Variants in ESF1 observed in about 807,000 individuals in gnomAD.
The protein encoded by ESF1 is ESF1 homolog.
In ESF1, 58 loss-of-function variants were observed where a neutral mutation model predicts 92.0. The ratio of observed to expected loss-of-function variants is 0.63; its 90% CI spans 0.51 to 0.78. ESF1 has a LOEUF of 0.78. Among genes scored for constraint, ESF1 ranks in the 30% least tolerant of loss-of-function variants. ESF1 has a pLI of 0.00. For missense variants in ESF1, 922 were observed against 989.1 expected, an observed-to-expected ratio of 0.93 and a Z score of 0.91; for synonymous variants, 321 against 313.7, an observed-to-expected ratio of 1.02 and a Z score of -0.24.
chr20:13,765,831 T>C (rs1180727361), intron 8 of ESF1, among the ~76,000 whole-genome samples: 1 of 152,152 alleles, frequency 6.6e-6, no homozygotes, highest in East Asian at 1.9e-4. Flanking sequence ...CAAAATTAAC[T>C]AGGCACACAA....
intron 9 of ESF1, among the ~76,000 whole-genome samples, chr20:13,756,995 AT>A (rs752785469): frequency 1.8e-4 from 28 of 152,228 alleles, no homozygotes; most frequent in Non-Finnish European, 3.5e-4. Context: ...TTTTTTTTCA[AT>A]GTTATAAGTC....
chr20:13,748,544 GTGTGTATATATATATATATA>G (rs1978414503), intron 9 of ESF1, among the ~76,000 whole-genome samples: 1 of 51,790 alleles, frequency 1.9e-5, no homozygotes, highest in South Asian at 7.0e-4. Flanking sequence ...ATATATATGT[GTGTGTATATATATATATATA>G]TGTGTGTGTG....
At chr20:13,771,531 A>C (rs745833496) in intron 5 of ESF1, 48 bp from the exon 6 acceptor site, 2 of 1,463,254 alleles carry the variant, frequency 1.4e-6, no homozygotes, top group African/African-American at 2.8e-5. Context: ...AAACACAAAA[A>C]TTTCCCTTTA....
At chr20:13,728,123 G>T (rs1160937019) in intron 11 of ESF1, among the ~76,000 whole-genome samples, 1 of 152,074 alleles carries the variant, frequency 6.6e-6, no homozygotes, top group East Asian at 1.9e-4. Context: ...TTCCCAGAAA[G>T]GAATCCCCAG....
In ESF1 at chr20:13,775,832, CTG is replaced by C. The variant is rs769835197; in HGVS notation, c.1035+39_1035+40del. ...CTACCAGCCATAAAAGCTGCTTGTA[CTG>C]TGTTTTTCACAAATAATCTTGTTTA... is the stretch of plus-strand genomic sequence containing the variant. On this transcript the variant is annotated intron_variant, in intron 3 of 13. Transcript: ENST00000617257. 1.1e-5 allele frequency: 17 copies of C among 1,549,920 alleles called. No homozygotes were observed. In the African/African-American group the frequency reaches 1.5e-4, roughly 14 times the overall value.
chr20:13,725,123 C>T (rs1442796807), intron 11 of ESF1, among the ~76,000 whole-genome samples: 2 of 152,190 alleles, frequency 1.3e-5, no homozygotes, highest in African/African-American at 2.4e-5. Context: ...ACCCTGCCCC[C>T]TCCAGTGACC....
chr20:13,730,851 C>T (rs1270515678), intron 10 of ESF1, among the ~76,000 whole-genome samples: 1 of 151,858 alleles, frequency 6.6e-6, no homozygotes, highest in Non-Finnish European at 1.5e-5. Flanking sequence ...GATAACACGG[C>T]ATATATCAGG....
rs765925903 is a variant in ESF1, at chr20:13,775,265, T to C, written c.1041A>G (p.Thr347=). The C allele has an allele frequency of 1.9e-6, 3 of 1,579,376 alleles. No homozygotes were observed. The highest frequency in any genetic ancestry group is 2.6e-6 in the Non-Finnish European group (3 of 1,159,406). ...DKDAPRADEI[T]RRLAVCNMDW... is the part of the protein sequence containing the mutation. Reference sequence around the variant, plus strand: ...CCATGTTACAAACTGCTAATCGACGTGTAATCTGAGAAATGAGAAGAATTA... The same window carrying C: ...CCATGTTACAAACTGCTAATCGACGCGTAATCTGAGAAATGAGAAGAATTA... The change falls in exon 4 of 14, where the codon ACA becomes ACG. Residue 347 remains threonine, a synonymous_variant. Transcript: ENST00000617257.
chr20:13,748,592 A>ATATGTGTGTGTATATATATATATTTTTT (rs1331098586), intron 9 of ESF1, among the ~76,000 whole-genome samples: 1 of 95,740 alleles, frequency 1.0e-5, no homozygotes, highest in Non-Finnish European at 1.8e-5. Context: ...ATATATATAT[A>ATATGTGTGTGTATATATATATATTTTTT]TTTTTTTTTT....
chr20:13,747,144 T>C (rs1344738047), intron 9 of ESF1, among the ~76,000 whole-genome samples: 1 of 152,044 alleles, frequency 6.6e-6, no homozygotes, highest in African/African-American at 2.4e-5. Context: ...TGAAACAGAG[T>C]AATCCTTTAA....
At chr20:13,748,269 T>C (rs1978370824) in intron 9 of ESF1, among the ~76,000 whole-genome samples, 1 of 152,010 alleles carries the variant, frequency 6.6e-6, no homozygotes, top group Admixed American at 6.6e-5. Context: ...GCTTCAGTTT[T>C]TCTCTCCTGC....
At chr20:13,742,193 C>T (rs988921571) in intron 9 of ESF1, among the ~76,000 whole-genome samples, 1 of 152,036 alleles carries the variant, frequency 6.6e-6, no homozygotes, top group African/African-American at 2.4e-5. Context: ...GTGACGAAAC[C>T]CTGTCTCTAC....
chr20:13,758,600 C>T (rs527474922), intron 9 of ESF1, among the ~76,000 whole-genome samples: 4 of 152,160 alleles, frequency 2.6e-5, no homozygotes, highest in Non-Finnish European at 5.9e-5. Flanking sequence ...AAGCACGCTA[C>T]TTATAAAAAT....
At chr20:13,720,809 T>C (rs1423615054) in intron 11 of ESF1, among the ~76,000 whole-genome samples, 1 of 152,224 alleles carries the variant, frequency 6.6e-6, no homozygotes, top group Non-Finnish European at 1.5e-5. Context: ...TTTCTCAATG[T>C]ATAAATTTTC....
At chr20:13,770,264 A>ATCGTGC (rs1275735540) in intron 6 of ESF1, among the ~76,000 whole-genome samples, 5 of 152,248 alleles carry the variant, frequency 3.3e-5, no homozygotes, top group Admixed American at 3.3e-4. Context: ...GTATAGATAG[A>ATCGTGC]AATCGTGCAT....
Position 13,764,917 on chromosome 20 carries a change from T to TA in ESF1, c.1666+1859dup, listed in dbSNP as rs141430960. 3.7e-3 allele frequency among the ~76,000 whole-genome samples: 536 copies of TA among 143,482 alleles called. 1 individual carries two copies. Among genetic ancestry groups the TA allele is most frequent in the African/African-American group, 9.1e-3 (357 of 39,224 alleles). 94.1% of individuals were successfully genotyped at this position (143,482 alleles called of 152,430 possible). A position where few individuals can be genotyped will look rare whatever the true frequency, so the allele number is the denominator to read the frequency against. ...GTACGCCGTTAATCATTTCAAACAT[T>TA]AAAAAAAAAAAAACAAAAACAAAGG... On this transcript the variant is annotated intron_variant, in intron 8 of 13. Coordinates refer to ENST00000617257, the MANE Select transcript of ESF1 (RefSeq NM_001276380.2).
intron 9 of ESF1, among the ~76,000 whole-genome samples, chr20:13,745,982 A>T (rs6079158): frequency 0.17 from 25,871 of 152,124 alleles, 2,813 homozygotes; most frequent in Non-Finnish European, 0.24. Flanking sequence ...TTATTATTTG[A>T]CACAGAGTCT....
intron 11 of ESF1, among the ~76,000 whole-genome samples, chr20:13,719,355 T>A (rs2049852116): frequency 6.6e-6 from 1 of 152,124 alleles, no homozygotes; most frequent in African/African-American, 2.4e-5. Context: ...TATACACATT[T>A]AATGAAATTC....
chr20:13,748,405 T>C (rs1978378112), intron 9 of ESF1, among the ~76,000 whole-genome samples: 1 of 150,078 alleles, frequency 6.7e-6, no homozygotes, highest in African/African-American at 2.4e-5. Context: ...AAAGGATATA[T>C]ATACACATAT....
Sources: gnomAD v4.1 joint callset for allele counts (sites outside exome capture counted in the v4.1 genomes callset) on GRCh38, gnomAD v4.1.1 for gene constraint, MANE v1.5 for transcripts, NCBI Gene and HGNC (gene_info 2026-07-23, HGNC 2026-07-21) for gene names.